RNF157: variants seen among roughly 807,000 people sequenced by gnomAD.
RNF157 encodes E3 ubiquitin ligase RNF157.
A neutral mutation model predicts 88.3 loss-of-function variants in RNF157; 55 were observed. The observed-to-expected ratio is 0.62, with a 90% CI of 0.50 to 0.78. RNF157 has a LOEUF of 0.78. Ranked by LOEUF, RNF157 falls within the 30% of genes least tolerant of loss-of-function variation. The pLI is 0.00. For synonymous variants in RNF157, 334 were observed against 341.2 expected (o/e 0.98, Z 0.23); for missense variants, 788 against 860.8 (o/e 0.92, Z 1.06).
intron 1 of RNF157, among the ~76,000 whole-genome samples, chr17:76,219,000 A>C (rs1165679227): frequency 6.6e-6 from 1 of 152,076 alleles, no homozygotes; most frequent in Admixed American, 6.6e-5. Context: ...AAAATAAAGA[A>C]GGGGGATGGA....
chr17:76,201,666 A>T (rs1423393617), intron 2 of RNF157, among the ~76,000 whole-genome samples: 1 of 152,136 alleles, frequency 6.6e-6, no homozygotes, highest in African/African-American at 2.4e-5. Flanking sequence ...GCACACACAT[A>T]CATATATTAT....
At chr17:76,185,475 C>CTTTTTTTTTTTTTTTTTTTTTTT (rs71161271) in intron 2 of RNF157, among the ~76,000 whole-genome samples, 1 of 141,904 alleles carries the variant, frequency 7.0e-6, no homozygotes, top group Non-Finnish European at 1.5e-5. Context: ...TTAGTCCTTT[C>CTTTTTTTTTTTTTTTTTTTTTTT]TTTTTTTTTT....
Position 76,166,454 on chromosome 17 carries a change from C to T in RNF157, c.628+7G>A, listed in dbSNP as rs1344701765. On this transcript the variant is annotated splice_region_variant and intron_variant, in intron 6 of 18. Transcript: ENST00000269391. ...GCACAGCCAAAGAGGACAGAAATCG[C>T]CCCTACCGTCTCCTTCATCCACCAC... 1 of 1,613,066 alleles carries T rather than the reference C, an allele frequency of 6.2e-7. No individual in the cohort carries two copies. The highest frequency in any genetic ancestry group is 8.5e-7 in the Non-Finnish European group (1 of 1,179,172).
intron 2 of RNF157, among the ~76,000 whole-genome samples, chr17:76,199,454 A>G (rs1400147140): frequency 6.6e-6 from 1 of 150,604 alleles, no homozygotes. Flanking sequence ...GGGTCTCACT[A>G]TGTTGCCCAG....
rs1410930698 is a variant in RNF157 at position 76,146,445 on chromosome 17, C to T, written c.1922-1092G>A. 1.0e-6 allele frequency: 1 copy of T among 985,504 alleles called. No homozygotes were observed. Among genetic ancestry groups the T allele is most frequent in the Non-Finnish European group, 1.2e-6 (1 of 829,948 alleles). 61.0% of individuals were successfully genotyped at this position (985,504 alleles called of 1,614,324 possible). A position where few individuals can be genotyped will look rare whatever the true frequency, so the allele number is the denominator to read the frequency against. On this transcript the variant is annotated intron_variant, in intron 18 of 18. Coordinates refer to ENST00000269391, the MANE Select transcript of RNF157 (RefSeq NM_052916.3). This position sits in a 1 kb window ranked among gnomAD's most constrained non-coding sequence, Gnocchi z 4.2. ...CTGCCCACAGATGAGCTCCTCCCTC[C>T]AGTGCCCTCCCTCCAGTGAGGCTAG...
intron 2 of RNF157, among the ~76,000 whole-genome samples, chr17:76,200,124 C>T (rs2069548655): frequency 6.6e-6 from 1 of 151,932 alleles, no homozygotes; most frequent in Non-Finnish European, 1.5e-5. Flanking sequence ...CGCCTGTAGT[C>T]CCAGCCACTC....
In RNF157 at chr17:76,146,767, C is replaced by T. The variant is rs1403103646; in HGVS notation, c.1922-1414G>A. On this transcript the variant is annotated intron_variant, in intron 18 of 18. Transcript: ENST00000269391. The surrounding 1 kb of genome is among the most constrained non-coding windows in gnomAD (Gnocchi z 4.2). ...CCGTGACTTCTTCACTGTTGCAGTC[C>T]AGAGCCCAGCACAACACCTGACCCA... is the stretch of plus-strand genomic sequence containing the variant. 1 of 985,176 alleles carries T rather than the reference C, an allele frequency of 1.0e-6. No individual in the cohort carries two copies. Among genetic ancestry groups the T allele is most frequent in the Non-Finnish European group, 1.2e-6 (1 of 829,784 alleles). 61.0% of individuals were successfully genotyped at this position (985,176 alleles called of 1,614,324 possible).
chr17:76,191,013 C>A (rs2069376562), intron 2 of RNF157, among the ~76,000 whole-genome samples: 1 of 150,840 alleles, frequency 6.6e-6, no homozygotes, highest in Admixed American at 6.6e-5. Flanking sequence ...CATAGTGGGA[C>A]TGTTTCTACA....
chr17:76,173,934 G>T (rs991792098), intron 2 of RNF157, 144 bp from the exon 3 acceptor site: 1 of 689,782 alleles, frequency 1.4e-6, no homozygotes. Context: ...CTGAAACTCC[G>T]ACATACTGAG....
chr17:76,142,793 T>A lies in RNF157; in HGVS notation c.*2442A>T, dbSNP rs2068534258. ...AGCGGGGGTAGAAACTCTGGTGGGA[T>A]GGAGCTGGGCAGAAGGAAAAAAGGG... On this transcript the variant is annotated 3_prime_UTR_variant, in exon 19 of 19. Transcript: ENST00000269391. The A allele has an allele frequency of 6.6e-6, 1 of 152,486 alleles. No homozygotes were observed. The allele number at this position is 152,486 out of a possible 1,614,324, so 9.4% of individuals were successfully genotyped here. A position where few individuals can be genotyped will look rare whatever the true frequency, so the allele number is the denominator to read the frequency against.
chr17:76,222,769 T>TC (rs1217220494), intron 1 of RNF157, among the ~76,000 whole-genome samples: 4 of 152,146 alleles, frequency 2.6e-5, no homozygotes, highest in Non-Finnish European at 5.9e-5. Context: ...CACCTGTCTC[T>TC]CCATCTGACA....
In RNF157 at chr17:76,173,781, C is replaced by T. The variant is rs145150447; in HGVS notation, c.217G>A (p.Ala73Thr). ...ACGGGTTCTTGGGGAGGTGGGGCGG[C>T]GTAAGGAAACTGTGTCAGAAACAAA... is the stretch of plus-strand genomic sequence containing the variant. ...LGNRPVVFPY[A>T]APPPQEPVKT... is the part of the protein sequence containing the mutation. Residue 73 changes from alanine (A) to threonine (T), a missense_variant, in exon 3 of 19, where the codon GCC becomes ACC. Transcript: ENST00000269391. 31 of 1,608,394 alleles carry T rather than the reference C, an allele frequency of 1.9e-5. No homozygotes were observed. Among genetic ancestry groups the T allele is most frequent in the African/African-American group, 2.7e-5 (2 of 74,696 alleles).
At chr17:76,156,183 T>C in intron 14 of RNF157, 27 bp downstream of exon 14, 2 of 1,556,516 alleles carry the variant, frequency 1.3e-6, no homozygotes, top group Non-Finnish European at 1.8e-6. Flanking sequence ...GGGAAGGACA[T>C]GCAGCCACTC....
chr17:76,165,183 AG>A (rs1183916726), intron 7 of RNF157, among the ~76,000 whole-genome samples: 1 of 152,184 alleles, frequency 6.6e-6, no homozygotes, highest in African/African-American at 2.4e-5. Context: ...CCTGAGGATA[AG>A]GGGGGACTAC....
intron 15 of RNF157, 110 bp downstream of exon 15, chr17:76,155,452 C>T: frequency 6.8e-7 from 1 of 1,473,656 alleles, no homozygotes; most frequent in Non-Finnish European, 9.4e-7. Context: ...TGCAGCACTC[C>T]TGGCATTTTG....
chr17:76,158,299 A>T, intron 13 of RNF157, 94 bp downstream of exon 13: 1 of 820,586 alleles, frequency 1.2e-6, no homozygotes, highest in South Asian at 1.4e-5. Flanking sequence ...GTGTTTGATG[A>T]GTGAATGAGA....
chr17:76,182,787 A>ATATATATG (rs1387837533), intron 2 of RNF157, among the ~76,000 whole-genome samples: 3 of 134,864 alleles, frequency 2.2e-5, no homozygotes. Flanking sequence ...ATATATATAT[A>ATATATATG]TGAGAGATAT....
chr17:76,158,749 GA>G (rs2068805240), intron 12 of RNF157, among the ~76,000 whole-genome samples: 1 of 152,068 alleles, frequency 6.6e-6, no homozygotes, highest in Non-Finnish European at 1.5e-5. Flanking sequence ...TGCCTGGCTC[GA>G]AACCCAAATC....
At chr17:76,174,090 G>A (rs1025611875) in intron 2 of RNF157, among the ~76,000 whole-genome samples, 4 of 151,362 alleles carry the variant, frequency 2.6e-5, no homozygotes, top group Admixed American at 2.6e-4. Flanking sequence ...AAAAAAAACC[G>A]CTGAAGTTCC....
Sources: allele counts gnomAD v4.1 joint callset (sites outside exome capture counted in the v4.1 genomes callset), GRCh38; gene constraint gnomAD v4.1.1; non-coding constraint Gnocchi (gnomAD v3.1); transcripts MANE v1.5; gene names NCBI Gene and HGNC (gene_info 2026-07-23, HGNC 2026-07-21).